GORASP2: variants seen among roughly 807,000 people sequenced by gnomAD.
GORASP2 encodes the protein Golgi reassembly-stacking protein 2.
Under a neutral mutation model 45.7 loss-of-function variants are expected in GORASP2, and 22 were observed. The observed-to-expected ratio is 0.48, with a 90% CI of 0.34 to 0.69. GORASP2 has a LOEUF of 0.69. Among genes scored for constraint, GORASP2 ranks in the 30% least tolerant of loss-of-function variants. The pLI is 0.01. For missense variants in GORASP2, 491 were observed against 562.7 expected, an observed-to-expected ratio of 0.87 and a Z score of 1.29; for synonymous variants, 221 against 215.6, an observed-to-expected ratio of 1.02 and a Z score of -0.22.
chr2:170,958,519 A>C (rs1704479206), intron 7 of GORASP2, among the ~76,000 whole-genome samples: 1 of 152,144 alleles, frequency 6.6e-6, no homozygotes, highest in Non-Finnish European at 1.5e-5. Context: ...TTTTGCCTAC[A>C]TCTCATCACA....
intron 1 of GORASP2, among the ~76,000 whole-genome samples, chr2:170,931,820 G>A (rs111607446): frequency 1.3e-5 from 2 of 152,150 alleles, no homozygotes; most frequent in Non-Finnish European, 2.9e-5. Context: ...GTATGTATGA[G>A]TGCATATTTT....
chr2:170,955,627 CTCT>C (rs1458206400), intron 6 of GORASP2, among the ~76,000 whole-genome samples: 2 of 152,236 alleles, frequency 1.3e-5, no homozygotes, highest in Non-Finnish European at 2.9e-5. Context: ...GGAACTGAAG[CTCT>C]TCTTTAAGAG....
At chr2:170,933,136 A>T (rs1476942878) in intron 1 of GORASP2, among the ~76,000 whole-genome samples, 1 of 151,914 alleles carries the variant, frequency 6.6e-6, no homozygotes, top group African/African-American at 2.4e-5. Context: ...AATTACTTTT[A>T]AAAAAGAAGT....
intron 3 of GORASP2, chr2:170,949,973 G>A (rs1330022347): frequency 7.1e-6 from 4 of 563,802 alleles, no homozygotes; most frequent in Non-Finnish European, 1.3e-5. Context: ...TTCATTATAA[G>A]ATGTGTTAGA....
chr2:170,936,224 CTTTT>C (rs3079542), intron 1 of GORASP2, among the ~76,000 whole-genome samples: 1 of 119,032 alleles, frequency 8.4e-6, no homozygotes, highest in Admixed American at 9.9e-5. Flanking sequence ...TTGAAACTGA[CTTTT>C]TTTTTTTTTT....
At chr2:170,939,515 A>G (rs952562877) in intron 1 of GORASP2, among the ~76,000 whole-genome samples, 1 of 152,254 alleles carries the variant, frequency 6.6e-6, no homozygotes, top group Admixed American at 6.5e-5. Flanking sequence ...ACTGAGGTCC[A>G]AAAATATCAG....
At chr2:170,956,362 G>T in intron 6 of GORASP2, 74 bp from the exon 7 acceptor site, 2 of 1,354,350 alleles carry the variant, frequency 1.5e-6, no homozygotes, top group Non-Finnish European at 2.0e-6. Flanking sequence ...TGCAGGGCAA[G>T]TAAGAGCCAA....
intron 5 of GORASP2, 69 bp from the exon 6 acceptor site, chr2:170,954,581 C>CAAAAAAAAAACCACAAAAA: frequency 7.3e-7 from 1 of 1,362,548 alleles, no homozygotes; most frequent in Non-Finnish European, 1.0e-6. Context: ...CCGCCCCCCC[C>CAAAAAAAAAACCACAAAAA]AAAAAAAACA....
chr2:170,960,835 A>G (rs1300105470), intron 7 of GORASP2, among the ~76,000 whole-genome samples: 1 of 152,206 alleles, frequency 6.6e-6, no homozygotes, highest in Non-Finnish European at 1.5e-5. Flanking sequence ...GACTGCCTGC[A>G]TGGTTGGTTC....
intron 7 of GORASP2, among the ~76,000 whole-genome samples, chr2:170,957,631 G>A (rs527565848): frequency 6.6e-6 from 1 of 152,056 alleles, no homozygotes; most frequent in African/African-American, 2.4e-5. Flanking sequence ...TGTTTGTTTT[G>A]GGTTTTATTT....
Position 170,949,576 on chromosome 2 carries a change from C to T in GORASP2, c.182C>T (p.Ala61Val). Residue 61 changes from alanine to valine, a missense_variant, in exon 3 of 10, where the codon GCA becomes GTA. By Grantham distance (64) the Ala-to-Val change is moderately conservative (BLOSUM62 0). Coordinates refer to ENST00000234160, the MANE Select transcript of GORASP2 (RefSeq NM_015530.5). ...DNDTLKDLLK[A>V]NVEKPVKMLI... The stretch of plus-strand genomic sequence containing the variant: ...GACACTCTTAAGGATCTGCTGAAAG[C>T]AAACGTTGAAAAGCCTGTAAAGATG... 1 of 1,613,846 alleles carries T rather than the reference C, an allele frequency of 6.2e-7. No individual in the cohort carries two copies. The highest frequency in any genetic ancestry group is 8.5e-7 in the Non-Finnish European group (1 of 1,179,734).
In GORASP2 at chr2:170,961,710, A is replaced by G. The variant is rs1704566150; in HGVS notation, c.871A>G (p.Thr291Ala). The G allele has an allele frequency of 6.2e-7, 1 of 1,601,810 alleles. No homozygotes were observed. Among genetic ancestry groups the G allele is most frequent in the African/African-American group, 1.3e-5 (1 of 74,686 alleles). Reference protein sequence around the residue: ...LLPPQVNQSLTSVPPMNPATT... With the variant: ...LLPPQVNQSLASVPPMNPATT... ...GCCACCACAAGTAAACCAGTCCCTC[A>G]CTTCTGTGCCACCAATGAATCCAGC... The change falls in exon 8 of 10, where the codon ACT (threonine) becomes GCT (alanine). Residue 291 changes from threonine to alanine, a missense_variant. Physicochemically the swap from Thr to Ala is moderately conservative, Grantham distance 58 (BLOSUM62 0). Around this residue, in one of 2 missense-constraint regions of GORASP2, gnomAD observed 297 missense variants for 292.3 expected, o/e 1.02. Transcript: ENST00000234160.
rs199524071 is a variant in GORASP2, at chr2:170,945,964, A to T, written c.64-2386A>T. The stretch of plus-strand genomic sequence containing the variant: ...CTATTTGGACTATTATAGAAAGTCA[A>T]CCTATAAATATCAATGCAAACTTTT... On this transcript the variant is annotated intron_variant, in intron 1 of 9. Coordinates refer to ENST00000234160, the MANE Select transcript of GORASP2 (RefSeq NM_015530.5). Among the ~76,000 whole-genome samples the T allele has an allele frequency of 3.9e-5, 6 of 152,336 alleles. No homozygotes were observed. In the East Asian group the frequency reaches 1.2e-3, roughly 29 times the overall value.
intron 1 of GORASP2, among the ~76,000 whole-genome samples, chr2:170,934,019 A>G (rs1703886210): frequency 6.6e-6 from 1 of 152,158 alleles, no homozygotes; most frequent in Non-Finnish European, 1.5e-5. Flanking sequence ...CATATCTTCT[A>G]TCATATGGAA....
intron 6 of GORASP2, among the ~76,000 whole-genome samples, chr2:170,955,613 T>G (rs2105325046): frequency 6.6e-6 from 1 of 152,360 alleles, no homozygotes; most frequent in East Asian, 1.9e-4. Flanking sequence ...TCTTCAGTTC[T>G]AGAGGAACTG....
chr2:170,929,835 C>T, intron 1 of GORASP2: 1 of 463,794 alleles, frequency 2.2e-6, no homozygotes, highest in South Asian at 1.6e-5. Flanking sequence ...TCCGGACCCG[C>T]AGTCCGGAGG....
At chr2:170,934,624 A>T (rs1703904616) in intron 1 of GORASP2, among the ~76,000 whole-genome samples, 1 of 152,170 alleles carries the variant, frequency 6.6e-6, no homozygotes, top group African/African-American at 2.4e-5. Context: ...ACAATGGGTA[A>T]AAAGAAAACA....
In GORASP2 at chr2:170,933,894, TAAC is replaced by T. The variant is rs561943482; in HGVS notation, c.63+4493_63+4495del. On this transcript the variant is annotated intron_variant, in intron 1 of 9. Transcript: ENST00000234160. ...GACATGAAATGTGTCACGAGTGTAA[TAAC>T]AGGTTTTTATCTTCTGAGCTATTTG... Among the ~76,000 whole-genome samples, 178 of 152,308 alleles carry T rather than the reference TAAC, an allele frequency of 1.2e-3. 1 individual carries two copies. The highest frequency in any genetic ancestry group is 2.1e-3 in the Non-Finnish European group (140 of 68,034).
chr2:170,929,037 C>T (rs998773675), upstream of GORASP2: 8 of 323,450 alleles, frequency 2.5e-5, no homozygotes, highest in Non-Finnish European at 3.4e-5. Flanking sequence ...CTGGGGGAAG[C>T]GCATTTCTGT....
Sources: allele counts gnomAD v4.1 joint callset (sites outside exome capture counted in the v4.1 genomes callset), GRCh38; gene constraint gnomAD v4.1.1; regional missense constraint gnomAD v4.1.1; transcripts MANE v1.5; gene names NCBI Gene and HGNC (gene_info 2026-07-23, HGNC 2026-07-21).